NRXN3: variants seen among roughly 807,000 people sequenced by gnomAD.
NRXN3 encodes the protein neurexin 3, also known as neurexin III.
Under a neutral mutation model 137.6 loss-of-function variants are expected in NRXN3, and 32 were observed. The observed-to-expected ratio is 0.23, with a 90% CI of 0.18 to 0.31. The LOEUF (loss-of-function observed/expected upper bound fraction) is 0.31, where lower values mean the gene tolerates loss of function less well. Among genes scored for constraint, NRXN3 ranks in the 10% least tolerant of loss-of-function variants. The pLI is 1.00. For synonymous variants in NRXN3, 798 were observed against 784.5 expected (o/e 1.02, Z -0.29); for missense variants, 1,574 against 2,062.5 (o/e 0.76, Z 4.59).
chr14:78,728,351 A>G (rs1220601647), intron 8 of NRXN3, among the ~76,000 whole-genome samples: 3 of 152,174 alleles, frequency 2.0e-5, no homozygotes, highest in Non-Finnish European at 2.9e-5. Context: ...TTATCAACAC[A>G]TCTGTTTAAA....
chr14:78,719,566 G>A (rs770739652), intron 8 of NRXN3, among the ~76,000 whole-genome samples: 1 of 152,130 alleles, frequency 6.6e-6, no homozygotes, highest in Non-Finnish European at 1.5e-5. Context: ...CAGAGGCCAG[G>A]AGTGGTGGCT....
At chr14:78,803,156 C>T (rs928198367) in intron 8 of NRXN3, among the ~76,000 whole-genome samples, 1 of 152,128 alleles carries the variant, frequency 6.6e-6, no homozygotes, top group East Asian at 1.9e-4. Context: ...CCTTTAAAAG[C>T]TCTCTGGTAA....
intron 15 of NRXN3, among the ~76,000 whole-genome samples, chr14:79,118,883 A>T (rs2054931023): frequency 2.0e-5 from 3 of 152,164 alleles, no homozygotes; most frequent in Admixed American, 6.5e-5. Context: ...TCAACTTTTT[A>T]AAAAAATGCA....
intron 16 of NRXN3, among the ~76,000 whole-genome samples, chr14:79,588,689 G>A (rs776013126): frequency 6.6e-6 from 1 of 152,134 alleles, no homozygotes; most frequent in Non-Finnish European, 1.5e-5. Flanking sequence ...GGCTTAAGTG[G>A]GTAACAAATG....
chr14:78,642,722 T>C (rs2097647723), intron 4 of NRXN3, among the ~76,000 whole-genome samples: 1 of 152,232 alleles, frequency 6.6e-6, no homozygotes, highest in African/African-American at 2.4e-5. Context: ...GAGCAGGGCC[T>C]TGTCCAATTG....
intron 10 of NRXN3, among the ~76,000 whole-genome samples, chr14:78,946,240 G>T (rs992522974): frequency 2.0e-5 from 3 of 152,194 alleles, no homozygotes; most frequent in Non-Finnish European, 4.4e-5. Flanking sequence ...AGAATCCAAT[G>T]TACCTTCCAA....
At chr14:78,473,298 A>G (rs1018602221) in intron 4 of NRXN3, among the ~76,000 whole-genome samples, 1 of 151,378 alleles carries the variant, frequency 6.6e-6, no homozygotes, top group Admixed American at 6.6e-5. Flanking sequence ...GCTACTCGGG[A>G]GGCTGAGGCA....
intron 16 of NRXN3, among the ~76,000 whole-genome samples, chr14:79,516,899 T>C (rs10151942): frequency 0.24 from 37,154 of 152,132 alleles, 5,246 homozygotes; most frequent in South Asian, 0.39. Context: ...TACTTAACTG[T>C]TCCTTTACTG....
chr14:79,817,021 A>G (rs2099253618), intron 20 of NRXN3, among the ~76,000 whole-genome samples: 1 of 152,028 alleles, frequency 6.6e-6, no homozygotes, highest in African/African-American at 2.4e-5. Context: ...ATAGTGCAGT[A>G]TTTTGCTTTA....
chr14:79,345,608 G>T (rs2092831936), intron 15 of NRXN3, among the ~76,000 whole-genome samples: 1 of 152,118 alleles, frequency 6.6e-6, no homozygotes, highest in Admixed American at 6.5e-5. Context: ...GAGGTGATTG[G>T]GTCATGGGAG....
intron 16 of NRXN3, among the ~76,000 whole-genome samples, chr14:79,509,874 T>C (rs1416564122): frequency 1.3e-5 from 2 of 152,130 alleles, no homozygotes; most frequent in Non-Finnish European, 2.9e-5. Flanking sequence ...AACTGAAGGT[T>C]TTGGAAAACA....
At chr14:79,358,006 G>T (rs1599106318) in intron 15 of NRXN3, among the ~76,000 whole-genome samples, 1 of 152,284 alleles carries the variant, frequency 6.6e-6, no homozygotes, top group East Asian at 1.9e-4. Flanking sequence ...TTTCAAGTTA[G>T]TTTGCACCTT....
intron 19 of NRXN3, among the ~76,000 whole-genome samples, chr14:79,715,452 G>A (rs1365229590): frequency 6.6e-6 from 1 of 152,212 alleles, no homozygotes; most frequent in Non-Finnish European, 1.5e-5. Flanking sequence ...TAGCTTTCAA[G>A]GAAGAGGTGG....
chr14:78,320,694 G>A (rs918312211), intron 4 of NRXN3, among the ~76,000 whole-genome samples: 2 of 152,202 alleles, frequency 1.3e-5, no homozygotes, highest in Admixed American at 6.5e-5. Flanking sequence ...TGGGGGTACC[G>A]TGTGGCTTTC....
At chr14:79,508,149 A>G (rs1601407269) in intron 16 of NRXN3, among the ~76,000 whole-genome samples, 1 of 152,236 alleles carries the variant, frequency 6.6e-6, no homozygotes, top group East Asian at 1.9e-4. Flanking sequence ...TTCGTAATCT[A>G]TTAAATGGGG....
chr14:78,761,193 C>A (rs1445130633), intron 8 of NRXN3, among the ~76,000 whole-genome samples: 1 of 152,138 alleles, frequency 6.6e-6, no homozygotes, highest in African/African-American at 2.4e-5. Flanking sequence ...TTCCACCCAC[C>A]ATTCACAATA....
At chr14:78,357,526 G>T (rs1360128670) in intron 4 of NRXN3, among the ~76,000 whole-genome samples, 1 of 152,124 alleles carries the variant, frequency 6.6e-6, no homozygotes, top group Non-Finnish European at 1.5e-5. Context: ...TTCCCTACTG[G>T]TGAATTTCTG....
chr14:79,490,715 A>T (rs532221396), intron 16 of NRXN3, among the ~76,000 whole-genome samples: 82 of 148,876 alleles, frequency 5.5e-4, no homozygotes, highest in Middle Eastern at 6.8e-3. Context: ...AATGAGTATT[A>T]AAAAAAAAAT....
In NRXN3 at chr14:79,267,708, C is replaced by T. The variant is rs2078654807; in HGVS notation, c.3263-199513C>T. Reference sequence around the variant, plus strand: ...ATGTTGGCCAGGCTGGTCTTGAACTCCTGGCCTCAAGTGATTCCCCCTGAC... The same window carrying T: ...ATGTTGGCCAGGCTGGTCTTGAACTTCTGGCCTCAAGTGATTCCCCCTGAC... On this transcript the variant is annotated intron_variant, in intron 15 of 20. Coordinates refer to ENST00000335750, the MANE Select transcript of NRXN3 (RefSeq NM_001330195.2). Among the ~76,000 whole-genome samples, 7 of 151,902 alleles carry T rather than the reference C, an allele frequency of 4.6e-5. No homozygotes were observed. The South Asian group carries it at 1.2e-3, about 27-fold the overall frequency.
Sources: gnomAD v4.1 joint callset for allele counts (sites outside exome capture counted in the v4.1 genomes callset) on GRCh38, gnomAD v4.1.1 for gene constraint, MANE v1.5 for transcripts, NCBI Gene and HGNC (gene_info 2026-07-23, HGNC 2026-07-21) for gene names.